The following USP53 variants were observed in gnomAD, a reference collection of about 807,000 sequenced individuals.
USP53 encodes ubiquitin specific peptidase 53, also known as ubiquitin carboxyl-terminal hydrolase 53.
Under a neutral mutation model 94.9 loss-of-function variants are expected in USP53, and 71 were observed. That is an observed-to-expected ratio of 0.75 (90% CI 0.62 to 0.91). The LOEUF (loss-of-function observed/expected upper bound fraction) is 0.91. Among genes scored for constraint, USP53 ranks in the 40% least tolerant of loss-of-function variants. USP53 has a pLI of 0.00. For missense variants in USP53, 1,173 were observed against 1,281.0 expected (o/e 0.92, Z 1.29); for synonymous variants, 375 against 422.7 (o/e 0.89, Z 1.39).
At chr4:119,292,045 GT>G (rs1333988092) in intron 18 of USP53, among the ~76,000 whole-genome samples, 1 of 151,994 alleles carries the variant, frequency 6.6e-6, no homozygotes, top group Non-Finnish European at 1.5e-5. Flanking sequence ...TAATTTTAGT[GT>G]TTTGAGTTGA....
chr4:119,227,800 C>T (rs1408874306), intron 3 of USP53, among the ~76,000 whole-genome samples: 1 of 152,164 alleles, frequency 6.6e-6, no homozygotes, highest in Non-Finnish European at 1.5e-5. Context: ...TGTATAGTTA[C>T]TTTATTCATA....
chr4:119,257,508 A>G (rs767796600), intron 9 of USP53, among the ~76,000 whole-genome samples: 2 of 152,344 alleles, frequency 1.3e-5, no homozygotes, highest in Non-Finnish European at 2.9e-5. Flanking sequence ...ATTTGCATAC[A>G]TTTTAATACA....
At chr4:119,270,501 T>C in intron 15 of USP53, among the ~76,000 whole-genome samples, 1 of 152,202 alleles carries the variant, frequency 6.6e-6, no homozygotes, top group Admixed American at 6.5e-5. Context: ...CTTGTATATA[T>C]GTGTTTCGAT....
intron 17 of USP53, among the ~76,000 whole-genome samples, chr4:119,290,117 C>T (rs1050363712): frequency 6.6e-6 from 1 of 152,080 alleles, no homozygotes; most frequent in African/African-American, 2.4e-5. Context: ...CTCCTAGAAT[C>T]GTTGTTCAGA....
chr4:119,275,255 A>G (rs1273018800), intron 17 of USP53, among the ~76,000 whole-genome samples: 2 of 90,408 alleles, frequency 2.2e-5, no homozygotes, highest in East Asian at 6.3e-4. Flanking sequence ...TCTTTAATCC[A>G]TCTTGAATTG....
At position 119,242,044 on chromosome 4, in the gene USP53, T is replaced by G. The variant is rs184924283; in HGVS notation, c.144+2141T>G. ...TGTCTTAGACATTGTAGTTTTCACT[T>G]TGAGAAGTTTTATCTTGGTCTTCTT... On this transcript the variant is annotated intron_variant, in intron 5 of 18. Transcript: ENST00000692078. 1.1e-4 allele frequency among the ~76,000 whole-genome samples: 16 copies of G among 152,368 alleles called. 1 individual carries two copies. The highest frequency in any genetic ancestry group is 1.0e-3 in the Admixed American group (16 of 15,300).
At chr4:119,289,015 T>G (rs1020177465) in intron 17 of USP53, among the ~76,000 whole-genome samples, 1 of 151,942 alleles carries the variant, frequency 6.6e-6, no homozygotes, top group South Asian at 2.1e-4. Flanking sequence ...TTCACTAATA[T>G]CTTTCTAAAA....
intron 17 of USP53, among the ~76,000 whole-genome samples, chr4:119,281,231 C>T (rs953963824): frequency 1.5e-4 from 23 of 151,866 alleles, no homozygotes; most frequent in Non-Finnish European, 4.4e-5. Flanking sequence ...AGAATTTGGG[C>T]GAGAGAAGTC....
chr4:119,212,980 G>A, intron 1 of USP53, 107 bp downstream of exon 1: 1 of 158,118 alleles, frequency 6.3e-6, no homozygotes, highest in Admixed American at 6.1e-5. Flanking sequence ...CTCTCCCCTC[G>A]CAGCCCGGCG....
At chr4:119,267,283 TTTTGTTTTGTCTTTA>T in intron 12 of USP53, 22 bp from the exon 13 acceptor site, 1 of 1,590,592 alleles carries the variant, frequency 6.3e-7, no homozygotes, top group Non-Finnish European at 8.6e-7. Flanking sequence ...GATTACAAGG[TTTTGTTTTGTCTTTA>T]TTCATTGTGT....
At chr4:119,218,271 C>T (rs1399443816) in intron 3 of USP53, 2 of 152,152 alleles carry the variant, frequency 1.3e-5, no homozygotes, top group Non-Finnish European at 2.9e-5. Flanking sequence ...TTTGTCAAGG[C>T]AAATAAATGT....
In USP53 at chr4:119,227,256, T is replaced by TATACACACACACACACACACACAC. The variant is rs1376598406; in HGVS notation, c.-664-8033_-664-8032insTACACACACACACACACACACACA. 3.9e-3 allele frequency among the ~76,000 whole-genome samples: 487 copies of TATACACACACACACACACACACAC among 125,110 alleles called. 6 individuals are homozygous for TATACACACACACACACACACACAC. Among genetic ancestry groups the TATACACACACACACACACACACAC allele is most frequent in the Middle Eastern group, 8.4e-3 (2 of 238 alleles). The allele number at this position is 125,110 out of a possible 152,430, so 82.1% of individuals were successfully genotyped here. A position where few individuals can be genotyped will look rare whatever the true frequency, so the allele number is the denominator to read the frequency against. ...ATTAATCCAAAGCCTTGTCTAACAC[T>TATACACACACACACACACACACAC]ACACACACACACACACACACACACA... On this transcript the variant is annotated intron_variant, in intron 3 of 18. Coordinates refer to ENST00000692078, the MANE Select transcript of USP53 (RefSeq NM_001371395.1).
intron 17 of USP53, among the ~76,000 whole-genome samples, chr4:119,275,690 G>T (rs1033318709): frequency 2.6e-5 from 4 of 151,922 alleles, no homozygotes; most frequent in African/African-American, 9.7e-5. Context: ...ACCTTGGGCA[G>T]TATGGCCATT....
chr4:119,242,443 C>G (rs181354506), intron 5 of USP53, among the ~76,000 whole-genome samples: 21 of 152,268 alleles, frequency 1.4e-4, no homozygotes, highest in Admixed American at 7.2e-4. Context: ...ATGAAGTTTT[C>G]TACTTTGGCT....
intron 7 of USP53, among the ~76,000 whole-genome samples, chr4:119,251,244 T>C (rs1479196758): frequency 1.3e-5 from 2 of 152,234 alleles, no homozygotes; most frequent in African/African-American, 2.4e-5. Flanking sequence ...TCATCCTTTT[T>C]TGTGGCTGCA....
chr4:119,219,994 T>C (rs1438136254), intron 3 of USP53: 2 of 152,186 alleles, frequency 1.3e-5, no homozygotes, highest in African/African-American at 4.8e-5. Context: ...TAAAATATTT[T>C]ATTGGAAAGT....
chr4:119,269,790 G>A lies in USP53; in HGVS notation c.1388G>A (p.Arg463Lys), dbSNP rs1444947666. The A allele has an allele frequency of 6.5e-7, 1 of 1,527,230 alleles. No homozygotes were observed. Among genetic ancestry groups the A allele is most frequent in the East Asian group, 2.5e-5 (1 of 40,704 alleles). 94.6% of individuals were successfully genotyped at this position (1,527,230 alleles called of 1,614,324 possible). ...IEQKNLLSSQ[R>K]KDLEKGQRKD... Reference sequence around the variant, plus strand: ...CAGAAAAACTTACTTTCTTCACAAAGGAAAGATTTAGAGAAGGGACAAAGA... The same window carrying A: ...CAGAAAAACTTACTTTCTTCACAAAAGAAAGATTTAGAGAAGGGACAAAGA... The change falls in exon 15 of 19, where the codon AGG becomes AAG. Residue 463 changes from arginine to lysine, a missense_variant. Physicochemically the swap from Arg to Lys is conservative, Grantham distance 26. Coordinates refer to ENST00000692078, the MANE Select transcript of USP53 (RefSeq NM_001371395.1).
intron 5 of USP53, among the ~76,000 whole-genome samples, chr4:119,243,570 C>A (rs1578457842): frequency 6.6e-6 from 1 of 152,036 alleles, no homozygotes; most frequent in African/African-American, 2.4e-5. Context: ...TTTGTGATAG[C>A]GATTTGTTAA....
At chr4:119,245,103 A>G (rs1689104391) in intron 5 of USP53, among the ~76,000 whole-genome samples, 1 of 152,114 alleles carries the variant, frequency 6.6e-6, no homozygotes, top group African/African-American at 2.4e-5. Flanking sequence ...ATAGTTTTTC[A>G]TGTGCACCAT....
Sources: gnomAD v4.1 joint callset for allele counts (sites outside exome capture counted in the v4.1 genomes callset) on GRCh38, gnomAD v4.1.1 for gene constraint, MANE v1.5 for transcripts, NCBI Gene and HGNC (gene_info 2026-07-23, HGNC 2026-07-21) for gene names.